The following SYNJ2BP variants were observed in gnomAD, a reference collection of about 807,000 sequenced individuals.
SYNJ2BP encodes the protein synaptojanin-2-binding protein.
SYNJ2BP carries 10 observed loss-of-function variants against 16.9 expected under a neutral mutation model. The observed-to-expected ratio is 0.59, with a 90% CI of 0.36 to 1.00. The LOEUF (loss-of-function observed/expected upper bound fraction) is 1.00, where lower values mean the gene tolerates loss of function less well. SYNJ2BP is among the 50% of genes least tolerant of loss of function. The pLI is 0.01. For synonymous variants in SYNJ2BP, 54 were observed against 68.4 expected, an observed-to-expected ratio of 0.79 and a Z score of 1.04; for missense variants, 162 against 186.7, an observed-to-expected ratio of 0.87 and a Z score of 0.77.
chr14:70,401,270 A>T (rs1888229211), intron 1 of SYNJ2BP, among the ~76,000 whole-genome samples: 1 of 152,170 alleles, frequency 6.6e-6, no homozygotes, highest in Non-Finnish European at 1.5e-5. Context: ...ATTTGAAAAG[A>T]TTATTTTTTA....
chr14:70,399,955 T>C (rs972984853), intron 1 of SYNJ2BP, among the ~76,000 whole-genome samples: 5 of 152,290 alleles, frequency 3.3e-5, no homozygotes, highest in African/African-American at 1.2e-4. Flanking sequence ...TGAGCTGCAG[T>C]CAGAGATCAC....
chr14:70,410,180 C>T (rs760736735), intron 1 of SYNJ2BP, among the ~76,000 whole-genome samples: 1 of 152,000 alleles, frequency 6.6e-6, no homozygotes, highest in Non-Finnish European at 1.5e-5. Context: ...TTTAGGAGGC[C>T]GAGGTGGGTG....
chr14:70,396,430 C>A (rs995289541), intron 1 of SYNJ2BP, among the ~76,000 whole-genome samples: 1 of 152,060 alleles, frequency 6.6e-6, no homozygotes, highest in Non-Finnish European at 1.5e-5. Flanking sequence ...TCTTGCAATT[C>A]TTTTGGGTAT....
intron 2 of SYNJ2BP, among the ~76,000 whole-genome samples, chr14:70,387,016 C>T (rs1887873966): frequency 1.3e-5 from 2 of 152,232 alleles, no homozygotes; most frequent in African/African-American, 4.8e-5. Context: ...ATAGTTTTCT[C>T]CTCTTCGGAC....
chr14:70,388,411 G>T, intron 2 of SYNJ2BP, 59 bp downstream of exon 2: 12 of 1,432,788 alleles, frequency 8.4e-6, no homozygotes, highest in South Asian at 5.1e-5. Context: ...GATAGGGAGG[G>T]GTAGGACCTA....
At chr14:70,408,576 G>A (rs1888400796) in intron 1 of SYNJ2BP, among the ~76,000 whole-genome samples, 1 of 151,906 alleles carries the variant, frequency 6.6e-6, no homozygotes, top group Admixed American at 6.6e-5. Context: ...GGGAGGCTGA[G>A]GCGGGAGAAT....
intron 1 of SYNJ2BP, among the ~76,000 whole-genome samples, chr14:70,399,497 G>A (rs1348123182): frequency 3.9e-5 from 6 of 152,224 alleles, no homozygotes; most frequent in Admixed American, 3.9e-4. Context: ...CTCCGGACCT[G>A]GGGATGGGTC....
chr14:70,399,061 G>A (rs1188279211), intron 1 of SYNJ2BP, among the ~76,000 whole-genome samples: 1 of 152,110 alleles, frequency 6.6e-6, no homozygotes, highest in African/African-American at 2.4e-5. Context: ...TGCTCCCAAG[G>A]TGCAAGAACC....
intron 2 of SYNJ2BP, among the ~76,000 whole-genome samples, chr14:70,381,517 T>A (rs925441070): frequency 6.6e-6 from 1 of 152,194 alleles, no homozygotes; most frequent in African/African-American, 2.4e-5. Flanking sequence ...AATACTGACA[T>A]CCTCTAAGCA....
chr14:70,412,481 GTA>G lies in SYNJ2BP; in HGVS notation c.64+4417_64+4418del, dbSNP rs1273144164. On this transcript the variant is annotated intron_variant, in intron 1 of 3. Transcript: ENST00000256366. ...TGTATGTATGTATAGTATATATACA[GTA>G]TATATATGTATGTATAGTATATATA... Among the ~76,000 whole-genome samples the G allele has an allele frequency of 1.2e-3, 124 of 105,338 alleles. 1 individual carries two copies. The highest frequency in any genetic ancestry group is 3.5e-3 in the African/African-American group (113 of 32,110). The allele number at this position is 105,338 out of a possible 152,430, so 69.1% of individuals were successfully genotyped here. A position where few individuals can be genotyped will look rare whatever the true frequency, so the allele number is the denominator to read the frequency against.
chr14:70,391,627 T>G (rs917358011), intron 1 of SYNJ2BP, among the ~76,000 whole-genome samples: 7 of 152,292 alleles, frequency 4.6e-5, no homozygotes, highest in African/African-American at 1.7e-4. Context: ...TTGCCTCTGG[T>G]GATCTTGGGA....
chr14:70,405,451 G>C (rs113682025), intron 1 of SYNJ2BP, among the ~76,000 whole-genome samples: 3,487 of 152,106 alleles, frequency 0.023, 118 homozygotes, highest in African/African-American at 0.079. Context: ...TAGAAGTTTT[G>C]TGGAACATGA....
Position 70,370,484 on chromosome 14 carries a change from G to A in SYNJ2BP, c.*2507C>T, listed in dbSNP as rs1465641864. Reference sequence around the variant, plus strand: ...AGGTATTGAATAGTTGATGTCAAAAGGCACTTTATGTCAGGACTGTTTAAA... The same window carrying A: ...AGGTATTGAATAGTTGATGTCAAAAAGCACTTTATGTCAGGACTGTTTAAA... On this transcript the variant is annotated 3_prime_UTR_variant, in exon 4 of 4. Coordinates refer to ENST00000256366, the MANE Select transcript of SYNJ2BP (RefSeq NM_018373.3). 3 of 152,146 alleles carry A rather than the reference G, an allele frequency of 2.0e-5. No homozygotes were observed. In the East Asian group the frequency reaches 5.8e-4, roughly 29 times the overall value. The allele number at this position is 152,146 out of a possible 1,614,324, so 9.4% of individuals were successfully genotyped here.
chr14:70,412,913 C>G (rs1362295556), intron 1 of SYNJ2BP, among the ~76,000 whole-genome samples: 2 of 152,074 alleles, frequency 1.3e-5, no homozygotes, highest in Non-Finnish European at 2.9e-5. Context: ...AGTCTTGTCA[C>G]ACTTTTTAGA....
intron 2 of SYNJ2BP, among the ~76,000 whole-genome samples, chr14:70,380,716 T>C (rs1175574107): frequency 2.6e-5 from 4 of 152,008 alleles, no homozygotes; most frequent in Non-Finnish European, 4.4e-5. Context: ...ATATTAATAT[T>C]ACTATTCATT....
chr14:70,398,874 G>A (rs1431622229), intron 1 of SYNJ2BP, among the ~76,000 whole-genome samples: 3 of 152,162 alleles, frequency 2.0e-5, no homozygotes, highest in African/African-American at 7.2e-5. Context: ...CTGGCGCTGA[G>A]GGGTGGCCTG....
intron 1 of SYNJ2BP, among the ~76,000 whole-genome samples, chr14:70,390,011 G>C (rs1055393383): frequency 7.2e-5 from 11 of 152,056 alleles, no homozygotes; most frequent in African/African-American, 2.7e-4. Flanking sequence ...AATCTGTTCG[G>C]AGTAGATCTC....
chr14:70,373,246 C>A, intron 3 of SYNJ2BP, 115 bp from the exon 4 acceptor site: 2 of 1,327,502 alleles, frequency 1.5e-6, no homozygotes, highest in Non-Finnish European at 2.0e-6. Flanking sequence ...AACTGTAACC[C>A]CCAGCAATAC....
At chr14:70,382,080 C>T (rs1887762683) in intron 2 of SYNJ2BP, among the ~76,000 whole-genome samples, 1 of 151,864 alleles carries the variant, frequency 6.6e-6, no homozygotes, top group South Asian at 2.1e-4. Context: ...ACTAAAAATA[C>T]AAAAAATTAG....
Sources: gnomAD v4.1 joint callset for allele counts (sites outside exome capture counted in the v4.1 genomes callset) on GRCh38, gnomAD v4.1.1 for gene constraint, MANE v1.5 for transcripts, NCBI Gene and HGNC (gene_info 2026-07-23, HGNC 2026-07-21) for gene names.